MMADHC: variants seen among roughly 807,000 people sequenced by gnomAD.
MMADHC encodes metabolism of cobalamin associated D.
In MMADHC, 23 loss-of-function variants were observed where a neutral mutation model predicts 36.3. The ratio of observed to expected loss-of-function variants is 0.63; its 90% confidence interval spans 0.46 to 0.90. The LOEUF (loss-of-function observed/expected upper bound fraction) is 0.90, where lower values mean the gene tolerates loss of function less well. MMADHC is among the 40% of genes least tolerant of loss of function. The pLI, the probability that MMADHC is intolerant of heterozygous loss-of-function variation, is 0.00. For missense variants in MMADHC, 330 were observed against 348.0 expected (o/e 0.95, Z 0.41); for synonymous variants, 97 against 116.1 (o/e 0.84, Z 1.06).
chr2:149,569,885 A>G lies in MMADHC; in HGVS notation c.*89T>C, dbSNP rs6742604. ...TGCTGAAATAAATACTTAGAAATAA[A>G]TATATTTTAAAAACTTTAGTCTGAC... On this transcript the variant is annotated 3_prime_UTR_variant, in exon 8 of 8. Coordinates refer to ENST00000303319, the MANE Select transcript of MMADHC (RefSeq NM_015702.3). The G allele has an allele frequency of 1, 1,123,395 of 1,123,958 alleles. 561,420 individuals carry two copies. Among genetic ancestry groups the G allele is most frequent in the Non-Finnish European group, 1 (768,691 of 768,694 alleles). 69.6% of individuals were successfully genotyped at this position (1,123,958 alleles called of 1,614,324 possible). A position where few individuals can be genotyped will look rare whatever the true frequency, so the allele number is the denominator to read the frequency against.
intron 6 of MMADHC, among the ~76,000 whole-genome samples, chr2:149,571,923 T>G (rs1220689936): frequency 6.6e-6 from 1 of 152,176 alleles, no homozygotes; most frequent in Non-Finnish European, 1.5e-5. Flanking sequence ...ATCTATCTAC[T>G]CACATAGTCA....
Position 149,571,144 on chromosome 2 carries a change from A to G in MMADHC, c.637T>C (p.Tyr213His). The change falls in exon 7 of 8, where the codon TAT (tyrosine) becomes CAT (histidine). Residue 213 changes from tyrosine to histidine, a missense_variant. Tyr to His is a moderately conservative substitution (Grantham distance 83). Coordinates refer to ENST00000303319, the MANE Select transcript of MMADHC (RefSeq NM_015702.3). ...CAATAACCCTCAGCTCGAAGAGCAT[A>G]GCAAATTTCCTTAGCACCATTGATG... ...KFINGAKEICYALRAEGYWAD... is the reference protein window; with the variant it reads ...KFINGAKEICHALRAEGYWAD... The G allele has an allele frequency of 1.9e-6, 3 of 1,612,046 alleles. No homozygotes were observed. The highest frequency in any genetic ancestry group is 2.5e-6 in the Non-Finnish European group (3 of 1,178,678).
At chr2:149,575,651 G>T in intron 6 of MMADHC, 60 bp downstream of exon 6, 3 of 1,364,908 alleles carry the variant, frequency 2.2e-6, no homozygotes, top group Non-Finnish European at 3.0e-6. Context: ...TTAAGACATT[G>T]GTTCACTATT....
intron 2 of MMADHC, among the ~76,000 whole-genome samples, chr2:149,582,983 A>T (rs761255970): frequency 1.2e-4 from 19 of 152,206 alleles, no homozygotes; most frequent in Non-Finnish European, 1.3e-4. Context: ...TTTGGTAAAT[A>T]AAGTTTTACT....
chr2:149,576,985 T>G (rs1386942975), intron 4 of MMADHC, among the ~76,000 whole-genome samples: 1 of 152,214 alleles, frequency 6.6e-6, no homozygotes, highest in Non-Finnish European at 1.5e-5. Context: ...TAGAGGCTTT[T>G]ATTCAACTGA....
rs1682664292 is a variant in MMADHC, at chr2:149,572,858, C to G, written c.610-1687G>C. 1.3e-5 allele frequency among the ~76,000 whole-genome samples: 2 copies of G among 152,112 alleles called. 1 individual carries two copies. The highest frequency in any genetic ancestry group is 4.1e-4 in the South Asian group (2 of 4,822). ...AATGAAAAGACCTTACTGACCAACTCTGGTATTTCAGCTGAGATCTCCAGA... is the reference window on the plus strand; with the variant it reads ...AATGAAAAGACCTTACTGACCAACTGTGGTATTTCAGCTGAGATCTCCAGA... On this transcript the variant is annotated intron_variant, in intron 6 of 7. Coordinates refer to ENST00000303319, the MANE Select transcript of MMADHC (RefSeq NM_015702.3).
At chr2:149,571,238 A>G in intron 6 of MMADHC, 67 bp from the exon 7 acceptor site, 1 of 1,024,594 alleles carries the variant, frequency 9.8e-7, no homozygotes, top group Non-Finnish European at 1.4e-6. Context: ...TTTTTAAATA[A>G]AATTTTAAGT....
chr2:149,584,881 CA>C (rs1682843784), intron 2 of MMADHC, among the ~76,000 whole-genome samples: 1 of 151,362 alleles, frequency 6.6e-6, no homozygotes, highest in Non-Finnish European at 1.5e-5. Flanking sequence ...ACTAAAAATA[CA>C]AAAAAAGCCA....
intron 4 of MMADHC, among the ~76,000 whole-genome samples, chr2:149,577,171 G>A (rs1204777241): frequency 1.3e-5 from 2 of 152,176 alleles, no homozygotes; most frequent in African/African-American, 4.8e-5. Flanking sequence ...AGTCTTCCAG[G>A]GGCATAGATG....
At chr2:149,583,206 T>C (rs1041691429) in intron 2 of MMADHC, among the ~76,000 whole-genome samples, 4 of 152,166 alleles carry the variant, frequency 2.6e-5, no homozygotes, top group African/African-American at 9.7e-5. Context: ...ATCTGTGAAA[T>C]GCTATGAAAA....
chr2:149,578,808 G>T (rs1682753207), intron 4 of MMADHC, among the ~76,000 whole-genome samples: 1 of 151,550 alleles, frequency 6.6e-6, no homozygotes, highest in African/African-American at 2.4e-5. Context: ...CTAAAACTAT[G>T]CAAAAATATG....
rs370283134 is a variant in MMADHC, at chr2:149,582,113, C to T, written c.154+14G>A. 6.2e-7 allele frequency: 1 copy of T among 1,613,216 alleles called. No individual in the cohort carries two copies. Reference sequence around the variant, plus strand: ...GAAACAATTATAAGTAAAGCAGTAACAACTTTCACTTACATATATCTGGAG... The same window carrying T: ...GAAACAATTATAAGTAAAGCAGTAATAACTTTCACTTACATATATCTGGAG... On this transcript the variant is annotated intron_variant, in intron 3 of 7. Coordinates refer to ENST00000303319, the MANE Select transcript of MMADHC (RefSeq NM_015702.3).
chr2:149,571,264 GA>G (rs1682634938), intron 6 of MMADHC, 93 bp from the exon 7 acceptor site: 2 of 757,752 alleles, frequency 2.6e-6, no homozygotes, highest in Non-Finnish European at 4.1e-6. Context: ...TCTTGTTTCA[GA>G]AAAGAACTCA....
chr2:149,576,288 A>G (rs1573876957), intron 5 of MMADHC, 149 bp downstream of exon 5: 2 of 660,692 alleles, frequency 3.0e-6, no homozygotes, highest in East Asian at 5.6e-5. Flanking sequence ...GGACATTTCA[A>G]AGCCTTTATC....
intron 2 of MMADHC, among the ~76,000 whole-genome samples, chr2:149,584,532 G>A (rs1409424745): frequency 6.6e-6 from 1 of 152,058 alleles, no homozygotes; most frequent in African/African-American, 2.4e-5. Context: ...ATTTTAGCCT[G>A]TCTATCAAGG....
intron 6 of MMADHC, among the ~76,000 whole-genome samples, chr2:149,572,972 G>C (rs1682666186): frequency 6.6e-6 from 1 of 152,146 alleles, no homozygotes; most frequent in African/African-American, 2.4e-5. Flanking sequence ...GTGCCTGTTT[G>C]GATAAACAGT....
chr2:149,579,627 T>A lies in MMADHC; in HGVS notation c.176A>T (p.Asp59Val), dbSNP rs781154636. The A allele has an allele frequency of 6.2e-7, 1 of 1,613,832 alleles. No homozygotes were observed. The change falls in exon 4 of 8, where the codon GAT becomes GTT. Residue 59 changes from aspartate (D) to valine (V), a missense_variant. Coordinates refer to ENST00000303319, the MANE Select transcript of MMADHC (RefSeq NM_015702.3). ...PDICSRTVWP[D>V]ETMGPFGPQD... ...AGGTCCAAAGGGTCCCATAGTTTCA[T>A]CAGGCCACACTGTTCGAGAGCCTGA...
intron 3 of MMADHC, 91 bp downstream of exon 3, chr2:149,582,036 C>T (rs376683554): frequency 6.8e-5 from 96 of 1,414,632 alleles, no homozygotes; most frequent in Non-Finnish European, 9.2e-5. Flanking sequence ...TTAGAAAAAT[C>T]CATTAAGCCT....
intron 2 of MMADHC, among the ~76,000 whole-genome samples, chr2:149,583,770 C>CT (rs910217394): frequency 4.6e-5 from 7 of 152,114 alleles, no homozygotes; most frequent in Admixed American, 1.3e-4. Flanking sequence ...CTTAACTGGT[C>CT]TTTTTGCCTT....
Sources: allele counts gnomAD v4.1 joint callset (sites outside exome capture counted in the v4.1 genomes callset), GRCh38; gene constraint gnomAD v4.1.1; transcripts MANE v1.5; gene names NCBI Gene and HGNC (gene_info 2026-07-23, HGNC 2026-07-21).